CLTCL1: variants seen among roughly 807,000 people sequenced by gnomAD.
The protein encoded by CLTCL1 is clathrin heavy chain like 1.
A neutral mutation model predicts 190.0 loss-of-function variants in CLTCL1; 159 were observed. That is an observed-to-expected ratio of 0.84 (90% CI 0.74 to 0.95). The LOEUF is 0.95. Among genes scored for constraint, CLTCL1 ranks in the 40% least tolerant of loss-of-function variants. The probability of loss-of-function intolerance (pLI) is 0.00; values close to 1 mark genes in which losing one functional copy is unlikely to be tolerated. For synonymous variants in CLTCL1, 752 were observed against 769.6 expected (o/e 0.98, Z 0.38); for missense variants, 1,878 against 2,033.4 (o/e 0.92, Z 1.47).
At chr22:19,192,320 C>T (rs958977403) in intron 26 of CLTCL1, among the ~76,000 whole-genome samples, 1 of 152,206 alleles carries the variant, frequency 6.6e-6, no homozygotes, top group Non-Finnish European at 1.5e-5. Flanking sequence ...CCACCTCAGC[C>T]TCCCAAAGTG....
chr22:19,226,525 G>T, intron 11 of CLTCL1, 142 bp from the exon 12 acceptor site: 1 of 883,126 alleles, frequency 1.1e-6, no homozygotes, highest in Non-Finnish European at 1.7e-6. Context: ...CCTCTGTGGT[G>T]GCAGCAGTGC....
intron 3 of CLTCL1, among the ~76,000 whole-genome samples, chr22:19,248,006 T>A (rs2086472861): frequency 1.3e-5 from 2 of 152,132 alleles, no homozygotes; most frequent in South Asian, 2.1e-4. Flanking sequence ...TAAAGCATTA[T>A]GAACTTTTGG....
At chr22:19,180,591 C>T (rs144103862) in intron 31 of CLTCL1, 140 bp downstream of exon 31, 4 of 777,744 alleles carry the variant, frequency 5.1e-6, no homozygotes, top group East Asian at 5.3e-5. Flanking sequence ...CTTCTCCACA[C>T]CCAGTAGCCA....
At position 19,199,731 on chromosome 22, in the gene CLTCL1, C is replaced by T; in HGVS notation, c.3873+3G>A. 1.3e-6 allele frequency: 2 copies of T among 1,577,394 alleles called. No individual in the cohort carries two copies. Among genetic ancestry groups the T allele is most frequent in the Non-Finnish European group, 1.7e-6 (2 of 1,161,126 alleles). On this transcript the variant is annotated splice_donor_region_variant and intron_variant, in intron 24 of 32. Transcript: ENST00000427926. ...GCATTACCAGCAGAGATCATCTGGT[C>T]ACCTGGTAATAGCACATCAGCTCCT...
At chr22:19,248,543 T>A (rs905233727) in intron 3 of CLTCL1, among the ~76,000 whole-genome samples, 3 of 152,142 alleles carry the variant, frequency 2.0e-5, no homozygotes, top group Non-Finnish European at 4.4e-5. Flanking sequence ...CTATTAGCAT[T>A]CAATCCTCAT....
chr22:19,241,153 C>T (rs1955337311), intron 4 of CLTCL1, among the ~76,000 whole-genome samples: 2 of 152,252 alleles, frequency 1.3e-5, no homozygotes, highest in Non-Finnish European at 2.9e-5. Context: ...TGGTCCATCT[C>T]CAGCTCGGCT....
At chr22:19,253,373 C>T (rs1374177098) in intron 3 of CLTCL1, among the ~76,000 whole-genome samples, 1 of 152,218 alleles carries the variant, frequency 6.6e-6, no homozygotes, top group Non-Finnish European at 1.5e-5. Flanking sequence ...CCTGCGGCAG[C>T]TGTGCACATC....
intron 17 of CLTCL1, among the ~76,000 whole-genome samples, chr22:19,220,224 AC>A (rs2085525357): frequency 6.6e-6 from 1 of 151,650 alleles, no homozygotes; most frequent in Non-Finnish European, 1.5e-5. Flanking sequence ...GTTTACAACA[AC>A]TCCCAGGGAT....
chr22:19,216,121 TG>T lies in CLTCL1; in HGVS notation c.3054del (p.Phe1018LeufsTer11), dbSNP rs1555949318. On this transcript the variant is annotated frameshift_variant, in exon 19 of 33. Coordinates refer to ENST00000427926, the MANE Select transcript of CLTCL1 (RefSeq NM_007098.4). LOFTEE classifies it high-confidence loss of function. ...LEKIVLDNSVFSEHRNLQNLL... is the reference protein window; with the variant it reads ...LEKIVLDNSVXSEHRNLQNLL... Reference sequence around the variant, plus strand: ...CTGGCATAGCCTCACCTGTGCTCGCTGAAGACAGAGTTATCCAGAACTATCT... The same window carrying T: ...CTGGCATAGCCTCACCTGTGCTCGCTAAGACAGAGTTATCCAGAACTATCT... 6.2e-7 allele frequency: 1 copy of T among 1,613,740 alleles called. No individual in the cohort carries two copies. Among genetic ancestry groups the T allele is most frequent in the South Asian group, 1.1e-5 (1 of 91,042 alleles).
intron 2 of CLTCL1, among the ~76,000 whole-genome samples, chr22:19,267,686 G>A (rs966321690): frequency 6.6e-6 from 1 of 152,092 alleles, no homozygotes; most frequent in Non-Finnish European, 1.5e-5. Flanking sequence ...CTGAGGTCAG[G>A]AGTTCAAGAC....
intron 13 of CLTCL1, 145 bp from the exon 14 acceptor site, chr22:19,224,199 CT>C (rs2085667351): frequency 1.3e-6 from 1 of 792,536 alleles, no homozygotes; most frequent in African/African-American, 1.7e-5. Context: ...TGCCATTTGT[CT>C]GTTTTGGCAG....
intron 18 of CLTCL1, among the ~76,000 whole-genome samples, chr22:19,219,157 TTTTATTTATTTATTTATTTATTTA>T (rs201050834): frequency 6.7e-6 from 1 of 148,854 alleles, no homozygotes; most frequent in Non-Finnish European, 1.5e-5. Context: ...GACTAAGATG[TTTTATTTATTTATTTATTTATTTA>T]TTTATTTATT....
chr22:19,180,949 T>G, intron 30 of CLTCL1, 143 bp from the exon 31 acceptor site: 1 of 705,118 alleles, frequency 1.4e-6, no homozygotes, highest in Non-Finnish European at 2.6e-6. Context: ...GTGGAGTGGC[T>G]CAGCCCACAC....
intron 30 of CLTCL1, 100 bp from the exon 31 acceptor site, chr22:19,180,906 G>C: frequency 1.0e-6 from 1 of 982,506 alleles, no homozygotes; most frequent in South Asian, 1.3e-5. Context: ...GCCTCCAGGA[G>C]AATGACAGTG....
At chr22:19,180,553 C>T (rs547025633) in intron 31 of CLTCL1, among the ~76,000 whole-genome samples, 178 bp downstream of exon 31, 4 of 152,292 alleles carry the variant, frequency 2.6e-5, no homozygotes, top group East Asian at 3.9e-4. Flanking sequence ...GGGAGGACAG[C>T]GGCCGTGCCA....
rs782698752 is a variant in CLTCL1, at chr22:19,201,342, C to T, written c.3752G>A (p.Arg1251Gln). 8.1e-6 allele frequency: 13 copies of T among 1,611,922 alleles called. No individual in the cohort carries two copies. The highest frequency in any genetic ancestry group is 2.2e-5 in the South Asian group (2 of 90,888). Reference protein sequence around the residue: ...VDNSRKASSTRTWKEVCFACM... With the variant: ...VDNSRKASSTQTWKEVCFACM... The stretch of plus-strand genomic sequence containing the variant: ...CCCGCAGCTCACCTCCTTCCACGTC[C>T]GGGTGCTGCTGGCCTTGCGGCTGTT... The change falls in exon 23 of 33, where the codon CGG becomes CAG. Residue 1251 changes from arginine to glutamine, a missense_variant. By Grantham distance (43) the Arg-to-Gln change is conservative. Coordinates refer to ENST00000427926, the MANE Select transcript of CLTCL1 (RefSeq NM_007098.4).
At chr22:19,259,939 T>C (rs1410734463) in intron 2 of CLTCL1, among the ~76,000 whole-genome samples, 2 of 152,160 alleles carry the variant, frequency 1.3e-5, no homozygotes, top group African/African-American at 4.8e-5. Context: ...GAAAAGTTAT[T>C]TAAGGAAATT....
intron 27 of CLTCL1, among the ~76,000 whole-genome samples, chr22:19,190,386 C>T (rs2084452830): frequency 6.6e-6 from 1 of 152,120 alleles, no homozygotes; most frequent in African/African-American, 2.4e-5. Context: ...CATTAAGTTT[C>T]CCTTCTTATA....
intron 13 of CLTCL1, among the ~76,000 whole-genome samples, chr22:19,224,873 C>T (rs373754006): frequency 4.8e-4 from 73 of 152,324 alleles, no homozygotes; most frequent in African/African-American, 1.6e-3. Context: ...TAGACAAATG[C>T]TTAGTCTCTA....
Sources: gnomAD v4.1 joint callset for allele counts (sites outside exome capture counted in the v4.1 genomes callset) on GRCh38, gnomAD v4.1.1 for gene constraint, MANE v1.5 for transcripts, NCBI Gene and HGNC (gene_info 2026-07-23, HGNC 2026-07-21) for gene names.